The following TBC1D31 variants were observed in gnomAD, a reference collection of about 807,000 sequenced individuals.
The protein encoded by TBC1D31 is TBC1 domain family member 31, also known as WD repeat domain 67.
A neutral mutation model predicts 132.9 loss-of-function variants in TBC1D31; 99 were observed. The observed-to-expected ratio is 0.74, with a 90% CI of 0.63 to 0.88. The LOEUF (loss-of-function observed/expected upper bound fraction) is 0.88, where lower values mean the gene tolerates loss of function less well. TBC1D31 is among the 40% of genes least tolerant of loss of function. TBC1D31 has a pLI of 0.00. For missense variants in TBC1D31, 1,134 were observed against 1,256.6 expected (o/e 0.90, Z 1.48); for synonymous variants, 385 against 419.4 (o/e 0.92, Z 1.00).
At chr8:123,131,816 T>G (rs2130827702) in intron 16 of TBC1D31, among the ~76,000 whole-genome samples, 1 of 152,308 alleles carries the variant, frequency 6.6e-6, no homozygotes. Flanking sequence ...TTGTACTGCA[T>G]CAGTCTTAAT....
chr8:123,107,441 T>C (rs1818038475), intron 8 of TBC1D31, among the ~76,000 whole-genome samples: 1 of 152,226 alleles, frequency 6.6e-6, no homozygotes, highest in Non-Finnish European at 1.5e-5. Flanking sequence ...TATAGTTTTA[T>C]AACTTCTTCA....
At position 123,150,174 on chromosome 8, in the gene TBC1D31, A is replaced by C. The variant is rs1180534835; in HGVS notation, c.3067+46A>C. Reference sequence around the variant, plus strand: ...ATGTTATTCTGCCATTTTAAATTTCACAATATTTAAGCAAAATTGTGGCTT... The same window carrying C: ...ATGTTATTCTGCCATTTTAAATTTCCCAATATTTAAGCAAAATTGTGGCTT... On this transcript the variant is annotated intron_variant, in intron 21 of 21. Transcript: ENST00000287380. 2.7e-6 allele frequency: 4 copies of C among 1,496,446 alleles called. No individual in the cohort carries two copies. The Admixed American group carries it at 5.1e-5, about 19-fold the overall frequency. The allele number at this position is 1,496,446 out of a possible 1,614,324, so 92.7% of individuals were successfully genotyped here.
intron 20 of TBC1D31, among the ~76,000 whole-genome samples, chr8:123,149,220 T>C (rs1450001104): frequency 6.8e-6 from 1 of 147,404 alleles, no homozygotes; most frequent in Non-Finnish European, 1.5e-5. Context: ...AAGATGACTC[T>C]TAGATTCCAG....
the TBC1D31 span, among the ~76,000 whole-genome samples, chr8:123,158,732 A>G: frequency 6.6e-6 from 1 of 152,194 alleles, no homozygotes; most frequent in Non-Finnish European, 1.5e-5. Flanking sequence ...AGCAGGCACC[A>G]CAATTGCTGA....
chr8:123,150,060 A>G lies in TBC1D31; in HGVS notation c.2999A>G (p.Gln1000Arg), dbSNP rs1224761081. Residue 1000 changes from glutamine to arginine, a missense_variant, in exon 21 of 22, where the codon CAG (glutamine) becomes CGG (arginine). Coordinates refer to ENST00000287380, the MANE Select transcript of TBC1D31 (RefSeq NM_145647.4). ...HKEEPRFQNE[Q>R]DSSCLPRTSQ... ...GAAGAACCCAGGTTCCAAAATGAAC[A>G]GGACTCAAGCTGTTTGCCTAGAACC... 1 of 1,613,972 alleles carries G rather than the reference A, an allele frequency of 6.2e-7. No individual in the cohort carries two copies. Among genetic ancestry groups the G allele is most frequent in the Non-Finnish European group, 8.5e-7 (1 of 1,179,952 alleles).
rs562329685 is a variant in TBC1D31 at position 123,098,498 on chromosome 8, C to T, written c.831+1057C>T. 7.2e-5 allele frequency among the ~76,000 whole-genome samples: 11 copies of T among 152,290 alleles called. No homozygotes were observed. The South Asian group carries it at 2.1e-3, about 29-fold the overall frequency. On this transcript the variant is annotated intron_variant, in intron 6 of 21. Transcript: ENST00000287380. ...TGTATGTTTAGTAGAGACAGGGTTT[C>T]ACCATACTGGCCAGGCTGACCTCAA...
intron 6 of TBC1D31, among the ~76,000 whole-genome samples, chr8:123,099,505 C>A (rs1480086021): frequency 1.3e-5 from 2 of 152,184 alleles, no homozygotes; most frequent in Admixed American, 1.3e-4. Flanking sequence ...CCTCCTACCC[C>A]TCCACTACCC....
chr8:123,096,368 A>G (rs1248913767), intron 5 of TBC1D31, among the ~76,000 whole-genome samples: 1 of 152,000 alleles, frequency 6.6e-6, no homozygotes, highest in Non-Finnish European at 1.5e-5. Flanking sequence ...ACTTTTCCTT[A>G]TATACTAACC....
chr8:123,147,769 G>T (rs1329759254), intron 20 of TBC1D31, among the ~76,000 whole-genome samples: 3 of 152,082 alleles, frequency 2.0e-5, no homozygotes, highest in Non-Finnish European at 2.9e-5. Context: ...CTTAATCAGG[G>T]TATATAGATT....
rs769220252 is a variant in TBC1D31 at position 123,105,295 on chromosome 8, C to T, written c.1040C>T (p.Pro347Leu). Residue 347 changes from proline (P) to leucine (L), a missense_variant, in exon 8 of 22, where the codon CCG becomes CTG. Pro to Leu is a moderately conservative substitution (Grantham distance 98, BLOSUM62 -3). Coordinates refer to ENST00000287380, the MANE Select transcript of TBC1D31 (RefSeq NM_145647.4). ...ALTQEINKPPPPLVKVIEDLP... is the reference protein window; with the variant it reads ...ALTQEINKPPLPLVKVIEDLP... ...ATTTATTTTTCCATTTAGCCACCTC[C>T]GCCTTTAGTGAAAGTTATTGAAGAT... The T allele has an allele frequency of 3.2e-5, 49 of 1,551,338 alleles. No homozygotes were observed. Among genetic ancestry groups the T allele is most frequent in the Middle Eastern group, 1.7e-4 (1 of 5,978 alleles).
At chr8:123,148,870 A>C (rs978652317) in intron 20 of TBC1D31, among the ~76,000 whole-genome samples, 1 of 152,098 alleles carries the variant, frequency 6.6e-6, no homozygotes, top group Non-Finnish European at 1.5e-5. Context: ...AACCTGGCCA[A>C]CATGGTGAAA....
Position 123,082,805 on chromosome 8 carries a change from T to C in TBC1D31, c.328T>C (p.Cys110Arg). The C allele has an allele frequency of 3.1e-6, 5 of 1,607,082 alleles. No homozygotes were observed. Among genetic ancestry groups the C allele is most frequent in the Non-Finnish European group, 4.3e-6 (5 of 1,175,036 alleles). ...LVALADYSIK[C>R]FDTVTKELVS... Reference sequence around the variant, plus strand: ...GGCATTAGCTGATTATTCTATTAAATGTTTTGATACAGGTAAGAAGTTCTC... The same window carrying C: ...GGCATTAGCTGATTATTCTATTAAACGTTTTGATACAGGTAAGAAGTTCTC... The change falls in exon 3 of 22, where the codon TGT becomes CGT. Residue 110 changes from cysteine to arginine, a missense_variant. Coordinates refer to ENST00000287380, the MANE Select transcript of TBC1D31 (RefSeq NM_145647.4).
At chr8:123,079,759 C>T (rs1409601166) in intron 2 of TBC1D31, among the ~76,000 whole-genome samples, 1 of 152,178 alleles carries the variant, frequency 6.6e-6, no homozygotes, top group South Asian at 2.1e-4. Context: ...CCTCCTGATT[C>T]ATGGGAAAAT....
chr8:123,103,479 G>A (rs1817642532), intron 7 of TBC1D31: 1 of 151,644 alleles, frequency 6.6e-6, no homozygotes, highest in Non-Finnish European at 1.5e-5. Context: ...CTGGAGTGCA[G>A]TGGTGTGATC....
the TBC1D31 span, among the ~76,000 whole-genome samples, chr8:123,157,713 G>C: frequency 1.0e-5 from 1 of 99,652 alleles, no homozygotes; most frequent in Non-Finnish European, 2.1e-5. Context: ...ACACGGGCGC[G>C]CGCGCGCACA....
the TBC1D31 span, among the ~76,000 whole-genome samples, chr8:123,158,727 G>A: frequency 6.6e-6 from 1 of 152,168 alleles, no homozygotes; most frequent in Admixed American, 6.5e-5. Flanking sequence ...TTGACAGCAG[G>A]CACCACAATT....
chr8:123,161,184 C>G, the TBC1D31 span, among the ~76,000 whole-genome samples: 1 of 152,382 alleles, frequency 6.6e-6, no homozygotes, highest in South Asian at 2.1e-4. Context: ...CTTCCGGCCC[C>G]CAGGCCTTTG....
intron 10 of TBC1D31, among the ~76,000 whole-genome samples, chr8:123,117,223 G>A (rs1225318480): frequency 1.3e-5 from 2 of 151,800 alleles, no homozygotes; most frequent in Non-Finnish European, 2.9e-5. Context: ...GCTGAGGCAG[G>A]AAAATCGCTT....
At chr8:123,103,118 C>T (rs1817604895) in intron 7 of TBC1D31, 1 of 152,144 alleles carries the variant, frequency 6.6e-6, no homozygotes, top group Non-Finnish European at 1.5e-5. Context: ...AGCAGTGTTT[C>T]AGTATTCACT....
Sources: allele counts gnomAD v4.1 joint callset (sites outside exome capture counted in the v4.1 genomes callset), GRCh38; gene constraint gnomAD v4.1.1; transcripts MANE v1.5; gene names NCBI Gene and HGNC (gene_info 2026-07-23, HGNC 2026-07-21).